Variants in SCLT1 observed in about 807,000 individuals in gnomAD.
The protein encoded by SCLT1 is sodium channel and clathrin linker 1, also known as sodium channel-associated protein 1.
A neutral mutation model predicts 112.8 loss-of-function variants in SCLT1; 78 were observed. That is an observed-to-expected ratio of 0.69 (90% CI 0.58 to 0.83). SCLT1 has a LOEUF of 0.83. Ranked by LOEUF, SCLT1 falls within the 40% of genes least tolerant of loss-of-function variation. The pLI is 0.00. For synonymous variants in SCLT1, 257 were observed against 254.7 expected (o/e 1.01, Z -0.09); for missense variants, 747 against 770.4 (o/e 0.97, Z 0.36).
intron 5 of SCLT1, among the ~76,000 whole-genome samples, chr4:129,024,677 C>A (rs1413624421): frequency 2.0e-5 from 3 of 152,236 alleles, no homozygotes; most frequent in African/African-American, 7.2e-5. Flanking sequence ...TCCTCACCAG[C>A]AACGGAACAA....
intron 10 of SCLT1, among the ~76,000 whole-genome samples, chr4:128,965,829 CTT>C (rs34253075): frequency 2.2e-3 from 271 of 123,810 alleles, no homozygotes; most frequent in East Asian, 0.017. Context: ...GATGCCATAA[CTT>C]TTTTTTTTTT....
intron 18 of SCLT1, among the ~76,000 whole-genome samples, chr4:128,916,389 T>C (rs1735475508): frequency 6.6e-6 from 1 of 152,202 alleles, no homozygotes; most frequent in African/African-American, 2.4e-5. Context: ...TTTTTTGTTC[T>C]GAAAACAATG....
rs367675099 is a variant in SCLT1 at position 129,060,665 on chromosome 4, T to C, written c.103-16614A>G. On this transcript the variant is annotated intron_variant, in intron 2 of 20. Transcript: ENST00000281142. ...AAGTTTGTGGCAGTGGTGGTATGGA[T>C]TGTTAATTTTCTTAATGTCAAGTAT... Among the ~76,000 whole-genome samples the C allele has an allele frequency of 6.6e-5, 10 of 152,180 alleles. No individual in the cohort carries two copies. In the East Asian group the frequency reaches 1.9e-3, roughly 29 times the overall value.
At chr4:129,003,704 A>C (rs1325387688) in intron 6 of SCLT1, 37 bp downstream of exon 6, 3 of 1,499,738 alleles carry the variant, frequency 2.0e-6, no homozygotes, top group African/African-American at 1.4e-5. Flanking sequence ...AGGTATGTTA[A>C]TTCAGAATAT....
At chr4:129,089,172 C>T (rs768382031) in intron 1 of SCLT1, among the ~76,000 whole-genome samples, 3 of 152,122 alleles carry the variant, frequency 2.0e-5, no homozygotes, top group African/African-American at 4.8e-5. Context: ...GAAAAGCAAA[C>T]GATCCCATCA....
intron 9 of SCLT1, among the ~76,000 whole-genome samples, chr4:128,987,506 A>C (rs1742202427): frequency 6.6e-6 from 1 of 152,212 alleles, no homozygotes; most frequent in African/African-American, 2.4e-5. Context: ...GATTGAAATA[A>C]TTTTTTAAAA....
intron 5 of SCLT1, among the ~76,000 whole-genome samples, chr4:129,033,476 C>A (rs1361466228): frequency 8.6e-6 from 1 of 115,744 alleles, no homozygotes; most frequent in Admixed American, 1.1e-4. Flanking sequence ...CCTGCATGTT[C>A]TGCCCATGTA....
At chr4:128,904,143 C>T (rs1190354035) in intron 18 of SCLT1, among the ~76,000 whole-genome samples, 3 of 152,014 alleles carry the variant, frequency 2.0e-5, no homozygotes, top group Non-Finnish European at 4.4e-5. Context: ...TAAAACTGTA[C>T]CCAATTTCTC....
chr4:128,996,106 T>C (rs1742997302), intron 8 of SCLT1, among the ~76,000 whole-genome samples: 1 of 151,660 alleles, frequency 6.6e-6, no homozygotes, highest in African/African-American at 2.4e-5. Context: ...AGCTAAGGGG[T>C]CTTTTTTTGA....
intron 5 of SCLT1, among the ~76,000 whole-genome samples, chr4:129,016,912 G>T (rs962128426): frequency 6.6e-6 from 1 of 152,112 alleles, no homozygotes; most frequent in Non-Finnish European, 1.5e-5. Flanking sequence ...CTCAGAAGAA[G>T]CCTGATTACA....
At chr4:129,034,916 C>A (rs1208479163) in intron 5 of SCLT1, among the ~76,000 whole-genome samples, 1 of 152,028 alleles carries the variant, frequency 6.6e-6, no homozygotes, top group African/African-American at 2.4e-5. Context: ...GTTTGTGAAC[C>A]CCTGACAGAT....
intron 5 of SCLT1, among the ~76,000 whole-genome samples, chr4:129,004,533 G>C (rs780167708): frequency 3.3e-5 from 5 of 151,700 alleles, no homozygotes; most frequent in Non-Finnish European, 5.9e-5. Context: ...CAACTTAAAA[G>C]AATGATTGTT....
Position 129,043,424 on chromosome 4 carries a change from C to G in SCLT1, c.205G>C (p.Glu69Gln), listed in dbSNP as rs1259848461. The change falls in exon 4 of 21, where the codon GAA becomes CAA. Residue 69 changes from glutamate (E) to glutamine (Q), a missense_variant. By Grantham distance (29) the Glu-to-Gln change is conservative. Coordinates refer to ENST00000281142, the MANE Select transcript of SCLT1 (RefSeq NM_144643.4). ...TAATATTTCAGCTGCCCATTTAGTT[C>G]TCCTAGGTGTTTATCATACTCAGTA... ...LVTEYDKHLG[E>Q]LNGQLKYYQK... 6 of 1,547,532 alleles carry G rather than the reference C, an allele frequency of 3.9e-6. No individual in the cohort carries two copies. Among genetic ancestry groups the G allele is most frequent in the Non-Finnish European group, 5.3e-6 (6 of 1,128,206 alleles).
intron 18 of SCLT1, among the ~76,000 whole-genome samples, chr4:128,914,363 C>CA (rs879401238): frequency 9.8e-4 from 125 of 127,572 alleles, no homozygotes; most frequent in East Asian, 2.5e-3. Context: ...AACTCCGTCT[C>CA]AAAAAAAAAA....
At position 128,884,466 on chromosome 4, in the gene SCLT1, T is replaced by C; in HGVS notation, c.*11A>G. ...CAACTCTAAAGTTCTGTGAGTGAAC[T>C]ATGAATATTTTTAAATATTTTCCAG... On this transcript the variant is annotated 3_prime_UTR_variant, in exon 21 of 21. Transcript: ENST00000281142. 6 of 1,549,030 alleles carry C rather than the reference T, an allele frequency of 3.9e-6. No individual in the cohort carries two copies. Among genetic ancestry groups the C allele is most frequent in the Non-Finnish European group, 4.5e-6 (5 of 1,122,434 alleles).
intron 9 of SCLT1, among the ~76,000 whole-genome samples, chr4:128,981,410 G>C (rs543070135): frequency 6.6e-6 from 1 of 152,138 alleles, no homozygotes; most frequent in East Asian, 1.9e-4. Context: ...TCTGGAGGTC[G>C]TAAGATTTGC....
chr4:129,060,447 A>G (rs1190659730), intron 2 of SCLT1, among the ~76,000 whole-genome samples: 1 of 151,970 alleles, frequency 6.6e-6, no homozygotes, highest in Non-Finnish European at 1.5e-5. Context: ...TGGAACAATC[A>G]CCTCTTCCAC....
At chr4:128,987,776 CATA>C in intron 9 of SCLT1, among the ~76,000 whole-genome samples, 1 of 152,114 alleles carries the variant, frequency 6.6e-6, no homozygotes, top group Middle Eastern at 3.4e-3. Context: ...TATTCAAAGA[CATA>C]ATAACAGAGA....
intron 2 of SCLT1, among the ~76,000 whole-genome samples, chr4:129,063,253 A>T (rs1750156515): frequency 6.6e-6 from 1 of 152,204 alleles, no homozygotes; most frequent in South Asian, 2.1e-4. Flanking sequence ...ATCTTAACAT[A>T]TGAAGCAGTC....
Sources: allele counts gnomAD v4.1 joint callset (sites outside exome capture counted in the v4.1 genomes callset), GRCh38; gene constraint gnomAD v4.1.1; transcripts MANE v1.5; gene names NCBI Gene and HGNC (gene_info 2026-07-23, HGNC 2026-07-21).